The following GRB2 variants were observed in gnomAD, a reference collection of about 807,000 sequenced individuals.
The protein encoded by GRB2 is growth factor receptor bound protein 2.
GRB2 carries 2 observed loss-of-function variants against 27.4 expected under a neutral mutation model. The ratio of observed to expected loss-of-function variants is 0.07; its 90% CI spans 0.03 to 0.23. The LOEUF is 0.23. GRB2 is among the 10% of genes least tolerant of loss of function. The pLI, the probability that GRB2 is intolerant of heterozygous loss-of-function variation, is 1.00. For missense variants in GRB2, 102 were observed against 282.4 expected (o/e 0.36, Z 4.58); for synonymous variants, 94 against 99.6 (o/e 0.94, Z 0.33).
intron 2 of GRB2, among the ~76,000 whole-genome samples, chr17:75,360,307 A>G (rs977929564): frequency 2.0e-5 from 3 of 152,228 alleles, no homozygotes; most frequent in Non-Finnish European, 4.4e-5. Context: ...TCTTAGAAAC[A>G]TAATTCTGGA....
At chr17:75,373,924 G>T (rs1260547895) in intron 2 of GRB2, among the ~76,000 whole-genome samples, 2 of 150,070 alleles carry the variant, frequency 1.3e-5, no homozygotes, top group Admixed American at 1.3e-4. Context: ...CTCCCGAGTA[G>T]CTGGGACTAC....
intron 2 of GRB2, among the ~76,000 whole-genome samples, chr17:75,347,967 A>T (rs2078665808): frequency 6.6e-6 from 1 of 152,246 alleles, no homozygotes; most frequent in African/African-American, 2.4e-5. Context: ...GTTATGGGGC[A>T]GAAAGTATCC....
At chr17:75,399,644 G>A (rs1018258587) in intron 1 of GRB2, among the ~76,000 whole-genome samples, 12 of 151,072 alleles carry the variant, frequency 7.9e-5, no homozygotes, top group East Asian at 2.0e-4. Flanking sequence ...GGGATTACAG[G>A]CCGTGAGCCA....
intron 2 of GRB2, among the ~76,000 whole-genome samples, chr17:75,363,526 G>A (rs1283334007): frequency 2.0e-5 from 3 of 152,084 alleles, no homozygotes; most frequent in Non-Finnish European, 2.9e-5. Context: ...TAAGTCTCAC[G>A]CTTATTAAAT....
intron 1 of GRB2, among the ~76,000 whole-genome samples, chr17:75,403,173 T>C (rs938443291): frequency 7.4e-6 from 1 of 135,946 alleles, no homozygotes; most frequent in Non-Finnish European, 1.6e-5. Flanking sequence ...TATATATAAA[T>C]ATATATATAT....
At chr17:75,375,930 CAGG>C (rs2078889776) in intron 2 of GRB2, among the ~76,000 whole-genome samples, 2 of 148,822 alleles carry the variant, frequency 1.3e-5, no homozygotes, top group African/African-American at 2.5e-5. Context: ...GAGGCTGAGG[CAGG>C]AGAATGGCGT....
chr17:75,397,223 C>T (rs1169677638), intron 1 of GRB2, among the ~76,000 whole-genome samples: 1 of 151,978 alleles, frequency 6.6e-6, no homozygotes, highest in African/African-American at 2.4e-5. Flanking sequence ...AAAGGAATTC[C>T]AAAGGGTGTG....
intron 2 of GRB2, among the ~76,000 whole-genome samples, chr17:75,390,458 T>A (rs1443856391): frequency 6.6e-6 from 1 of 152,134 alleles, no homozygotes; most frequent in African/African-American, 2.4e-5. Flanking sequence ...GGAATTCTGA[T>A]GTATTCCAAC....
At chr17:75,326,077 C>T (rs1384863837) in intron 3 of GRB2, 57 bp from the exon 4 acceptor site, 8 of 1,604,338 alleles carry the variant, frequency 5.0e-6, no homozygotes, top group Non-Finnish European at 6.8e-6. Context: ...AACGGGATAT[C>T]CAGCCTTCAA....
At chr17:75,379,185 G>T (rs893339603) in intron 2 of GRB2, among the ~76,000 whole-genome samples, 3 of 152,030 alleles carry the variant, frequency 2.0e-5, no homozygotes, top group African/African-American at 7.2e-5. Context: ...TTTCTGAAAG[G>T]TTATAGAAAA....
chr17:75,385,606 T>A (rs2078958987), intron 2 of GRB2, among the ~76,000 whole-genome samples: 2 of 152,172 alleles, frequency 1.3e-5, no homozygotes, highest in South Asian at 4.1e-4. Context: ...TAAACCAGAT[T>A]GGATCTGAAT....
At chr17:75,388,567 T>C (rs929643519) in intron 2 of GRB2, among the ~76,000 whole-genome samples, 1 of 138,946 alleles carries the variant, frequency 7.2e-6, no homozygotes, top group African/African-American at 2.6e-5. Context: ...ATACTGATAC[T>C]AGGACTTTAA....
intron 2 of GRB2, among the ~76,000 whole-genome samples, chr17:75,346,106 G>A (rs995669788): frequency 6.6e-6 from 1 of 151,442 alleles, no homozygotes; most frequent in African/African-American, 2.4e-5. Context: ...TCTGGAGGTA[G>A]AATCAAAAGG....
Position 75,319,993 on chromosome 17 carries a change from G to A in GRB2, c.*375C>T, listed in dbSNP as rs1465737871. The A allele has an allele frequency of 1.7e-5, 3 of 172,484 alleles. No homozygotes were observed. The highest frequency in any genetic ancestry group is 2.5e-5 in the Non-Finnish European group (2 of 79,056). The allele number at this position is 172,484 out of a possible 1,614,324, so 10.7% of individuals were successfully genotyped here. A position where few individuals can be genotyped will look rare whatever the true frequency, so the allele number is the denominator to read the frequency against. ...CCAACTAAAACAGACATTTTGCATA[G>A]AGAGAATACCAGCCCACTTGGTTTC... is the stretch of plus-strand genomic sequence containing the variant. On this transcript the variant is annotated 3_prime_UTR_variant, in exon 6 of 6. Transcript: ENST00000316804.
At chr17:75,399,844 G>T (rs1409389876) in intron 1 of GRB2, among the ~76,000 whole-genome samples, 1 of 149,232 alleles carries the variant, frequency 6.7e-6, no homozygotes, top group Admixed American at 6.7e-5. Flanking sequence ...TTATTTTTTT[G>T]TATTTTTAGT....
chr17:75,354,111 T>C (rs926360824), intron 2 of GRB2, among the ~76,000 whole-genome samples: 3 of 152,162 alleles, frequency 2.0e-5, no homozygotes, highest in African/African-American at 7.2e-5. Context: ...GGAAATGTCT[T>C]GATTCTATGT....
At chr17:75,401,688 T>C (rs541862475) in intron 1 of GRB2, among the ~76,000 whole-genome samples, 1 of 152,340 alleles carries the variant, frequency 6.6e-6, no homozygotes, top group Non-Finnish European at 1.5e-5. Flanking sequence ...AAGTAACTTA[T>C]ACTCTGTAAT....
intron 2 of GRB2, among the ~76,000 whole-genome samples, chr17:75,377,106 C>CAGCCTGGGCAACA (rs2078898907): frequency 6.7e-6 from 1 of 149,636 alleles, no homozygotes; most frequent in Non-Finnish European, 1.5e-5. Context: ...CACTCGAGAC[C>CAGCCTGGGCAACA]AGCCTGGGCA....
intron 2 of GRB2, among the ~76,000 whole-genome samples, chr17:75,370,415 A>G (rs1459036062): frequency 6.6e-6 from 1 of 152,210 alleles, no homozygotes; most frequent in Non-Finnish European, 1.5e-5. Context: ...TTCTGACTTC[A>G]ATATCTTGTT....
Sources: gnomAD v4.1 joint callset for allele counts (sites outside exome capture counted in the v4.1 genomes callset) on GRCh38, gnomAD v4.1.1 for gene constraint, MANE v1.5 for transcripts, NCBI Gene and HGNC (gene_info 2026-07-23, HGNC 2026-07-21) for gene names.